Variants in CUL7 observed in about 807,000 individuals in gnomAD.
CUL7 encodes the protein cullin 7.
In CUL7, 96 loss-of-function variants were observed where a neutral mutation model predicts 177.7. The ratio of observed to expected loss-of-function variants is 0.54; its 90% CI spans 0.46 to 0.64. CUL7 has a LOEUF of 0.64. Ranked by LOEUF, CUL7 falls within the 30% of genes least tolerant of loss-of-function variation. The probability of loss-of-function intolerance (pLI) is 0.00; values close to 1 mark genes in which losing one functional copy is unlikely to be tolerated. For missense variants in CUL7, 1,893 were observed against 2,187.9 expected (o/e 0.87, Z 2.69); for synonymous variants, 824 against 890.2 (o/e 0.93, Z 1.32).
intron 19 of CUL7, among the ~76,000 whole-genome samples, chr6:43,042,121 A>AGGAG (rs1316100083): frequency 1.2e-4 from 18 of 150,402 alleles, no homozygotes; most frequent in Admixed American, 2.0e-4. Flanking sequence ...GAAGGAGGGA[A>AGGAG]GGAAGGAAGG....
chr6:43,050,161 T>A lies in CUL7; in HGVS notation c.1373-2A>T. 6.2e-7 allele frequency: 1 copy of A among 1,614,216 alleles called. No homozygotes were observed. Among genetic ancestry groups the A allele is most frequent in the Non-Finnish European group, 8.5e-7 (1 of 1,180,046 alleles). ...GCCTCCAGCGCCAGGCAGGCAGGGC[T>A]GTGAAAATGGGCCAAGGGGCACAAG... is the stretch of plus-strand genomic sequence containing the variant. On this transcript the variant is annotated splice_acceptor_variant, in intron 5 of 25. Transcript: ENST00000265348. LOFTEE classifies it high-confidence loss of function. This position sits in a 1 kb window ranked among gnomAD's most constrained non-coding sequence, Gnocchi z 4.1.
At position 43,037,981 on chromosome 6, in the gene CUL7, G is replaced by A. The variant is rs775490043; in HGVS notation, c.4804C>T (p.Pro1602Ser). ...AGGCTGCTGACCAAACCCCTGGGAG[G>A]ACACGGGCCCTTCTGCCAAGCCTCC... ...VLEAWQKGPC[P>S]PRGLVSSLGK... Residue 1602 changes from proline (P) to serine (S), a missense_variant, in exon 26 of 26, where the codon CCT becomes TCT. Coordinates refer to ENST00000265348, the MANE Select transcript of CUL7 (RefSeq NM_014780.5). 1.9e-6 allele frequency: 3 copies of A among 1,594,932 alleles called. No homozygotes were observed. The highest frequency in any genetic ancestry group is 4.5e-5 in the East Asian group (2 of 44,672).
chr6:43,048,122 C>T (rs1232432131), intron 9 of CUL7, 26 bp downstream of exon 9: 2 of 1,512,262 alleles, frequency 1.3e-6, no homozygotes, highest in Non-Finnish European at 1.8e-6. Context: ...CTCCCCCAGC[C>T]TCTCCCCAGA....
Position 43,046,096 on chromosome 6 carries a change from G to A in CUL7, c.2661-5C>T, listed in dbSNP as rs1306475899. ...GCCACAAGCAGAGTCAGTTGCCTGG[G>A]AGTGGGGAGGAAAAACCATTTGGAA... is the stretch of plus-strand genomic sequence containing the variant. On this transcript the variant is annotated splice_region_variant and splice_polypyrimidine_tract_variant and intron_variant, in intron 12 of 25. Coordinates refer to ENST00000265348, the MANE Select transcript of CUL7 (RefSeq NM_014780.5). The A allele has an allele frequency of 1.2e-6, 2 of 1,613,970 alleles. No homozygotes were observed. Among genetic ancestry groups the A allele is most frequent in the Non-Finnish European group, 1.7e-6 (2 of 1,179,822 alleles).
At position 43,048,458 on chromosome 6, in the gene CUL7, C is replaced by T; in HGVS notation, c.1937G>A (p.Gly646Glu). The T allele has an allele frequency of 1.2e-6, 2 of 1,614,012 alleles. No homozygotes were observed. Among genetic ancestry groups the T allele is most frequent in the Non-Finnish European group, 1.7e-6 (2 of 1,179,932 alleles). The change falls in exon 8 of 26, where the codon GGG becomes GAG. Residue 646 changes from glycine (G) to glutamate (E), a missense_variant. Coordinates refer to ENST00000265348, the MANE Select transcript of CUL7 (RefSeq NM_014780.5). The part of the protein sequence containing the change: ...LDLEQALSSE[G>E]TQENKVKPLL... ...TGGCTTGACCTTGTTCTCCTGGGTC[C>T]CCTCTGAGCTGAGGGCTTGCTCTAG...
rs1376680501 is a variant in CUL7 at position 43,052,997 on chromosome 6, CAA to C, written c.-8-203_-8-202del. Among the ~76,000 whole-genome samples, 1 of 152,008 alleles carries C rather than the reference CAA, an allele frequency of 6.6e-6. No individual in the cohort carries two copies. Among genetic ancestry groups the C allele is most frequent in the African/African-American group, 2.4e-5 (1 of 41,374 alleles). ...CTGGGGTGTTTGTTGTGAAAGAACA[CAA>C]AATTTGGGGGCTAAAAGGAAGGTCC... On this transcript the variant is annotated intron_variant, in intron 1 of 25. Coordinates refer to ENST00000265348, the MANE Select transcript of CUL7 (RefSeq NM_014780.5). The surrounding 1 kb of genome is among the most constrained non-coding windows in gnomAD (Gnocchi z 4.5).
In CUL7 at chr6:43,046,542, G is replaced by A. The variant is rs1232606103; in HGVS notation, c.2457C>T (p.Phe819=). ...RRTHQPINIP[F]FDVFLRYLCQ... is the part of the protein sequence containing the mutation. ...ACAGGTATCTGAGGAACACATCAAA[G>A]AAAGGGATGTTGATGGGTTGGTGGG... Residue 819 remains phenylalanine, a synonymous_variant, in exon 11 of 26, where the codon TTC becomes TTT. Transcript: ENST00000265348. The A allele has an allele frequency of 1.9e-6, 3 of 1,614,088 alleles. No homozygotes were observed. In the Admixed American group the frequency reaches 5.0e-5, roughly 27 times the overall value.
At position 43,051,213 on chromosome 6, in the gene CUL7, T is replaced by G; in HGVS notation, c.988A>C (p.Ile330Leu). The G allele has an allele frequency of 6.2e-7, 1 of 1,614,150 alleles. No homozygotes were observed. The highest frequency in any genetic ancestry group is 1.3e-5 in the African/African-American group (1 of 75,036). The change falls in exon 4 of 26, where the codon ATC becomes CTC. Residue 330 changes from isoleucine to leucine, a missense_variant. By Grantham distance (5) the Ile-to-Leu change is conservative (BLOSUM62 2). Transcript: ENST00000265348. The surrounding 1 kb of genome is among the most constrained non-coding windows in gnomAD (Gnocchi z 5.0). The stretch of plus-strand genomic sequence containing the variant: ...ACATCTGCCAGCTGAGGCTGGAAGA[T>G]GGAACCGGGGGACCGTGCTGAGCTC... The part of the protein sequence containing the change: ...PRSSARSPGS[I>L]FQPQLADVSP...
chr6:43,052,536 C>T lies in CUL7; in HGVS notation c.253G>A (p.Asp85Asn). 2 of 1,614,236 alleles carry T rather than the reference C, an allele frequency of 1.2e-6. No homozygotes were observed. Among genetic ancestry groups the T allele is most frequent in the Non-Finnish European group, 8.5e-7 (1 of 1,180,040 alleles). The change falls in exon 2 of 26, where the codon GAT (aspartate) becomes AAT (asparagine). Residue 85 changes from aspartate (D) to asparagine (N), a missense_variant. Around this residue, in one of 5 missense-constraint regions of CUL7, gnomAD observed 653 missense variants for 725.2 expected, o/e 0.90. Coordinates refer to ENST00000265348, the MANE Select transcript of CUL7 (RefSeq NM_014780.5). This position sits in a 1 kb window ranked among gnomAD's most constrained non-coding sequence, Gnocchi z 4.5. ...YANCHKMLGE[D>N]GQVIGPSQES... ...TGGGAGGGCCCGATGACCTGGCCAT[C>T]CTCGCCCAGCATCTTGTGGCAGTTG...
intron 9 of CUL7, among the ~76,000 whole-genome samples, chr6:43,047,650 G>A (rs1764029802): frequency 6.6e-6 from 1 of 152,172 alleles, no homozygotes; most frequent in Non-Finnish European, 1.5e-5. Context: ...CTTCTCTGTA[G>A]CTCTTGCAGG....
chr6:43,048,555 A>G lies in CUL7; in HGVS notation c.1840T>C (p.Ser614Pro). 6.2e-7 allele frequency: 1 copy of G among 1,613,772 alleles called. No homozygotes were observed. Among genetic ancestry groups the G allele is most frequent in the Non-Finnish European group, 8.5e-7 (1 of 1,179,752 alleles). Reference sequence around the variant, plus strand: ...TGCAGGGGAGTGTTGGGACTCTGAGATGGGGGTTCTTTTGCTACAGGAAGG... The same window carrying G: ...TGCAGGGGAGTGTTGGGACTCTGAGGTGGGGGTTCTTTTGCTACAGGAAGG... ...AAKVEAKEPP[S>P]QSPNTPLQRL... Residue 614 changes from serine to proline, a missense_variant, in exon 8 of 26, where the codon TCT becomes CCT. Physicochemically the swap from Ser to Pro is moderately conservative, Grantham distance 74. Around this residue, in one of 5 missense-constraint regions of CUL7, gnomAD observed 973 missense variants for 1,140.9 expected, o/e 0.85. Coordinates refer to ENST00000265348, the MANE Select transcript of CUL7 (RefSeq NM_014780.5).
intron 16 of CUL7, among the ~76,000 whole-genome samples, chr6:43,044,511 AG>A (rs1185025187): frequency 1.3e-5 from 2 of 148,708 alleles, no homozygotes; most frequent in African/African-American, 2.5e-5. Flanking sequence ...AAAAAAAAAA[AG>A]AAGAATGATA....
At position 43,038,935 on chromosome 6, in the gene CUL7, C is replaced by G; in HGVS notation, c.4347G>C (p.Thr1449=). The change falls in exon 23 of 26, where the codon ACG becomes ACC. Residue 1449 remains threonine, a synonymous_variant. Transcript: ENST00000265348. ...ERGSQRRLQW[T]WLGWAELQFG... ...ACTGCAGCTCAGCCCAGCCCAGCCACGTCCACTGCAGTCGCCTCTGTGAGC... is the reference window on the plus strand; with the variant it reads ...ACTGCAGCTCAGCCCAGCCCAGCCAGGTCCACTGCAGTCGCCTCTGTGAGC... 1 of 1,613,506 alleles carries G rather than the reference C, an allele frequency of 6.2e-7. No individual in the cohort carries two copies. The highest frequency in any genetic ancestry group is 8.5e-7 in the Non-Finnish European group (1 of 1,179,428).
In CUL7 at chr6:43,038,326, C is replaced by A. The variant is rs138698463; in HGVS notation, c.4714G>T (p.Val1572Phe). Reference protein sequence around the residue: ...KRRNLLNCLIVRILKAHGDEG... With the variant: ...KRRNLLNCLIFRILKAHGDEG... ...TCTCCATGGGCCTTGAGGATTCGGA[C>A]GATGAGGCAGTTCAGAAGATTCCGT... Residue 1572 changes from valine (V) to phenylalanine (F), a missense_variant, in exon 25 of 26, where the codon GTC becomes TTC. Val to Phe is a conservative substitution (Grantham distance 50, BLOSUM62 -1). Coordinates refer to ENST00000265348, the MANE Select transcript of CUL7 (RefSeq NM_014780.5). 6.2e-7 allele frequency: 1 copy of A among 1,614,176 alleles called. No individual in the cohort carries two copies. Among genetic ancestry groups the A allele is most frequent in the Non-Finnish European group, 8.5e-7 (1 of 1,180,044 alleles).
rs1763118741 is a variant in CUL7 at position 43,038,253 on chromosome 6, C to T, written c.4773+14G>A. The T allele has an allele frequency of 6.8e-6, 11 of 1,613,950 alleles. No individual in the cohort carries two copies. Among genetic ancestry groups the T allele is most frequent in the Non-Finnish European group, 9.3e-6 (11 of 1,179,942 alleles). On this transcript the variant is annotated intron_variant, in intron 25 of 25. Transcript: ENST00000265348. ...AGCAAAGATCTGTCACCCATTGTGC[C>T]CACCCCTGCCTACCAGACAGACAAG...
intron 24 of CUL7, 39 bp downstream of exon 24, chr6:43,038,527 T>A: frequency 6.2e-7 from 1 of 1,613,052 alleles, no homozygotes; most frequent in Non-Finnish European, 8.5e-7. Context: ...AGCCTGGCCC[T>A]GCCTCAGAGC....
chr6:43,042,765 GAAGAGACCCAAGGATGAGGC>G lies in CUL7; in HGVS notation c.3645+17_3645+36del. On this transcript the variant is annotated intron_variant, in intron 19 of 25. Transcript: ENST00000265348. ...GAGGTGAGGAAGGGAGAGTTTGTCG[GAAGAGACCCAAGGATGAGGC>G]AAGGGTAGAGGCTTACGTGGGCAGC... 6.9e-7 allele frequency: 1 copy of G among 1,455,566 alleles called. No homozygotes were observed. 90.2% of individuals were successfully genotyped at this position (1,455,566 alleles called of 1,614,324 possible).
chr6:43,051,563 C>T lies in CUL7; in HGVS notation c.732+49G>A. The stretch of plus-strand genomic sequence containing the variant: ...TGCAGATAGGTGCAAAGGCCTGGAC[C>T]CTAGATCTTGTTCACAAGTTCCCCC... On this transcript the variant is annotated intron_variant, in intron 3 of 25. Coordinates refer to ENST00000265348, the MANE Select transcript of CUL7 (RefSeq NM_014780.5). The surrounding 1 kb of genome is among the most constrained non-coding windows in gnomAD (Gnocchi z 5.0). 1 of 1,613,976 alleles carries T rather than the reference C, an allele frequency of 6.2e-7. No homozygotes were observed.
rs1370753156 is a variant in CUL7 at position 43,053,069 on chromosome 6, G to A, written c.-8-273C>T. 4.6e-5 allele frequency among the ~76,000 whole-genome samples: 7 copies of A among 152,110 alleles called. No homozygotes were observed. Among genetic ancestry groups the A allele is most frequent in the Non-Finnish European group, 1.0e-4 (7 of 68,014 alleles). On this transcript the variant is annotated intron_variant, in intron 1 of 25. Coordinates refer to ENST00000265348, the MANE Select transcript of CUL7 (RefSeq NM_014780.5). This position sits in a 1 kb window ranked among gnomAD's most constrained non-coding sequence, Gnocchi z 4.1. ...AGTGGGTTGATATGGAACAGTGGGC[G>A]GACTAGTGGGGGCAGGGCAGCCTTG...
Sources: allele counts gnomAD v4.1 joint callset (sites outside exome capture counted in the v4.1 genomes callset), GRCh38; gene constraint gnomAD v4.1.1; regional missense constraint gnomAD v4.1.1; non-coding constraint Gnocchi (gnomAD v3.1); transcripts MANE v1.5; gene names NCBI Gene and HGNC (gene_info 2026-07-23, HGNC 2026-07-21).